PGM5: variants seen among roughly 807,000 people sequenced by gnomAD.
PGM5 encodes phosphoglucomutase 5.
A neutral mutation model predicts 59.2 loss-of-function variants in PGM5; 23 were observed. That is an observed-to-expected ratio of 0.39 (90% CI 0.28 to 0.55). The LOEUF is 0.55. Ranked by LOEUF, PGM5 falls within the 20% of genes least tolerant of loss-of-function variation. The pLI is 0.66. For missense variants in PGM5, 574 were observed against 748.3 expected, an observed-to-expected ratio of 0.77 and a Z score of 2.72; for synonymous variants, 214 against 286.0, an observed-to-expected ratio of 0.75 and a Z score of 2.54.
rs138424706 is a variant in PGM5, at chr9:68,369,832, C to A, written c.262-8367C>A. Among the ~76,000 whole-genome samples the A allele has an allele frequency of 5.3e-4, 80 of 152,274 alleles. No individual in the cohort carries two copies. The South Asian group carries it at 6.2e-3, about 12-fold the overall frequency. The stretch of plus-strand genomic sequence containing the variant: ...GAGCTCTCTTACTTCCATCTGGTCT[C>A]CATGTAACAAATCATATAACTGCAC... On this transcript the variant is annotated intron_variant, in intron 1 of 10. Transcript: ENST00000396396.
Position 68,394,469 on chromosome 9 carries a change from C to T in PGM5, c.1043+1996C>T, listed in dbSNP as rs558802224. Reference sequence around the variant, plus strand: ...GCAACAAGAGAACAAGAGTGAAACTCTGTCTCAACAACAACAACAAAAAAA... The same window carrying T: ...GCAACAAGAGAACAAGAGTGAAACTTTGTCTCAACAACAACAACAAAAAAA... On this transcript the variant is annotated intron_variant, in intron 6 of 10. Transcript: ENST00000396396. The T allele has an allele frequency of 8.5e-5, 13 of 152,294 alleles. No homozygotes were observed. The South Asian group carries it at 2.3e-3, about 27-fold the overall frequency. 9.4% of individuals were successfully genotyped at this position (152,294 alleles called of 1,614,324 possible). A position where few individuals can be genotyped will look rare whatever the true frequency, so the allele number is the denominator to read the frequency against.
At chr9:68,448,888 C>A (rs1277988124) in intron 6 of PGM5, among the ~76,000 whole-genome samples, 1 of 152,176 alleles carries the variant, frequency 6.6e-6, no homozygotes, top group East Asian at 1.9e-4. Context: ...CTCTGGGGAA[C>A]CCCAGGAGGG....
chr9:68,484,730 A>C (rs1283838348), intron 9 of PGM5, among the ~76,000 whole-genome samples: 2 of 152,168 alleles, frequency 1.3e-5, no homozygotes, highest in African/African-American at 4.8e-5. Flanking sequence ...GCAGGTGCTC[A>C]TATGTGGTGG....
chr9:68,479,635 C>T, intron 8 of PGM5, 82 bp downstream of exon 8: 1 of 1,450,510 alleles, frequency 6.9e-7, no homozygotes, highest in East Asian at 2.3e-5. Flanking sequence ...GGGCTAGAAC[C>T]TTAAAAAGGA....
At chr9:68,526,802 A>G (rs985144154) in intron 10 of PGM5, among the ~76,000 whole-genome samples, 1 of 152,236 alleles carries the variant, frequency 6.6e-6, no homozygotes, top group Admixed American at 6.5e-5. Flanking sequence ...AATCACCATT[A>G]TCTGTTCTTT....
intron 6 of PGM5, among the ~76,000 whole-genome samples, chr9:68,401,877 CTA>C (rs202237310): frequency 0.012 from 1,534 of 123,376 alleles, 23 homozygotes; most frequent in African/African-American, 0.038. Flanking sequence ...AGTTACACAG[CTA>C]TATATATATA....
At chr9:68,394,847 C>T (rs1273655454) in intron 6 of PGM5, among the ~76,000 whole-genome samples, 1 of 152,050 alleles carries the variant, frequency 6.6e-6, no homozygotes, top group Non-Finnish European at 1.5e-5. Context: ...GTATCAAATT[C>T]CTGGCCTGAA....
chr9:68,412,518 T>C (rs1484245964), intron 6 of PGM5, among the ~76,000 whole-genome samples: 1 of 152,242 alleles, frequency 6.6e-6, no homozygotes, highest in African/African-American at 2.4e-5. Flanking sequence ...CAAATTTTCT[T>C]CACAAGCAGC....
At chr9:68,373,848 T>A in intron 1 of PGM5, among the ~76,000 whole-genome samples, 1 of 152,228 alleles carries the variant, frequency 6.6e-6, no homozygotes, top group Non-Finnish European at 1.5e-5. Flanking sequence ...CTCTTGTGAC[T>A]CTGGCATTGC....
intron 4 of PGM5, 152 bp downstream of exon 4, chr9:68,387,740 G>A: frequency 1.3e-6 from 1 of 766,916 alleles, no homozygotes; most frequent in Non-Finnish European, 2.1e-6. Context: ...AAAACTTCAG[G>A]ACCCTTATTT....
intron 6 of PGM5, among the ~76,000 whole-genome samples, chr9:68,411,394 T>TAC (rs1202914609): frequency 6.8e-6 from 1 of 147,706 alleles, no homozygotes; most frequent in Non-Finnish European, 1.5e-5. Flanking sequence ...AATATATATA[T>TAC]ACACACACAT....
chr9:68,529,856 G>A lies in PGM5; in HGVS notation c.*200G>A. ...TTGTCCTATTCCTCCAAATGCAGCAGGGCCTTTAGTTGTCTGTTAAAGCTG... is the reference window on the plus strand; with the variant it reads ...TTGTCCTATTCCTCCAAATGCAGCAAGGCCTTTAGTTGTCTGTTAAAGCTG... On this transcript the variant is annotated 3_prime_UTR_variant, in exon 11 of 11. Transcript: ENST00000396396. 1 of 490,124 alleles carries A rather than the reference G, an allele frequency of 2.0e-6. No individual in the cohort carries two copies. Among genetic ancestry groups the A allele is most frequent in the Non-Finnish European group, 3.6e-6 (1 of 278,842 alleles). 30.4% of individuals were successfully genotyped at this position (490,124 alleles called of 1,614,324 possible). A position where few individuals can be genotyped will look rare whatever the true frequency, so the allele number is the denominator to read the frequency against.
At chr9:68,450,776 G>C (rs1344482616) in intron 6 of PGM5, among the ~76,000 whole-genome samples, 2 of 152,150 alleles carry the variant, frequency 1.3e-5, no homozygotes, top group South Asian at 2.1e-4. Flanking sequence ...GAGAAACTCA[G>C]TCAATAGCTT....
chr9:68,419,226 A>G (rs1403852395), intron 6 of PGM5, among the ~76,000 whole-genome samples: 1 of 152,056 alleles, frequency 6.6e-6, no homozygotes, highest in African/African-American at 2.4e-5. Context: ...CTAAGAAAGA[A>G]GATGAATAGA....
chr9:68,477,860 T>G (rs1824131256), intron 7 of PGM5, among the ~76,000 whole-genome samples: 1 of 152,180 alleles, frequency 6.6e-6, no homozygotes, highest in African/African-American at 2.4e-5. Context: ...CAAACAAAGG[T>G]AAATGGCTGA....
chr9:68,371,080 G>A (rs1167005380), intron 1 of PGM5, among the ~76,000 whole-genome samples: 1 of 152,062 alleles, frequency 6.6e-6, no homozygotes, highest in Non-Finnish European at 1.5e-5. Context: ...AGTGGACTAG[G>A]GTCCACTTTG....
At chr9:68,430,557 C>G (rs1305565496) in intron 6 of PGM5, among the ~76,000 whole-genome samples, 1 of 152,160 alleles carries the variant, frequency 6.6e-6, no homozygotes, top group African/African-American at 2.4e-5. Flanking sequence ...TAATTTCATC[C>G]TAATTTTCTC....
intron 6 of PGM5, among the ~76,000 whole-genome samples, chr9:68,454,211 A>C (rs1318223765): frequency 6.6e-6 from 1 of 152,168 alleles, no homozygotes; most frequent in South Asian, 2.1e-4. Context: ...CTGAAGGTCA[A>C]GGTTCCTGCC....
intron 10 of PGM5, among the ~76,000 whole-genome samples, chr9:68,519,799 A>C (rs1430510814): frequency 6.6e-6 from 1 of 151,726 alleles, no homozygotes; most frequent in Non-Finnish European, 1.5e-5. Context: ...GGTGATTCAT[A>C]CCTGTAATCC....
Sources: allele counts gnomAD v4.1 joint callset (sites outside exome capture counted in the v4.1 genomes callset), GRCh38; gene constraint gnomAD v4.1.1; transcripts MANE v1.5; gene names NCBI Gene and HGNC (gene_info 2026-07-23, HGNC 2026-07-21).